Variants in GPC6 observed in about 807,000 individuals in gnomAD.
GPC6 encodes glypican 6, also known as glypican-6.
A neutral mutation model predicts 55.2 loss-of-function variants in GPC6; 14 were observed. That is an observed-to-expected ratio of 0.25 (90% CI 0.17 to 0.40). The LOEUF (loss-of-function observed/expected upper bound fraction) is 0.40. Ranked by LOEUF, GPC6 falls within the 10% of genes least tolerant of loss-of-function variation. The pLI, the probability that GPC6 is intolerant of heterozygous loss-of-function variation, is 1.00. For synonymous variants in GPC6, 278 were observed against 259.6 expected, an observed-to-expected ratio of 1.07 and a Z score of -0.68; for missense variants, 641 against 708.5, an observed-to-expected ratio of 0.90 and a Z score of 1.08.
At chr13:93,850,374 T>A (rs1421462165) in intron 3 of GPC6, among the ~76,000 whole-genome samples, 1 of 151,900 alleles carries the variant, frequency 6.6e-6, no homozygotes, top group African/African-American at 2.4e-5. Context: ...TCATGAGTCA[T>A]AATAACTCGG....
At chr13:93,744,909 T>G (rs367982966) in intron 2 of GPC6, among the ~76,000 whole-genome samples, 2 of 151,306 alleles carry the variant, frequency 1.3e-5, no homozygotes, top group East Asian at 3.9e-4. Flanking sequence ...TGCACTCCAG[T>G]GTGGGCAACA....
intron 4 of GPC6, among the ~76,000 whole-genome samples, chr13:94,258,751 G>A (rs1415837774): frequency 1.3e-5 from 2 of 152,150 alleles, no homozygotes; most frequent in African/African-American, 4.8e-5. Flanking sequence ...AATTTCGGTA[G>A]AGTAAACAAG....
At chr13:93,975,386 G>A (rs1337900636) in intron 3 of GPC6, among the ~76,000 whole-genome samples, 1 of 152,066 alleles carries the variant, frequency 6.6e-6, no homozygotes. Flanking sequence ...ATTGAGGGGT[G>A]GAGCATGGTG....
rs140973947 is a variant in GPC6 at position 93,610,527 on chromosome 13, T to G, written c.319+65106T>G. 1.4e-3 allele frequency among the ~76,000 whole-genome samples: 214 copies of G among 152,240 alleles called. 1 individual carries two copies. Among genetic ancestry groups the G allele is most frequent in the Middle Eastern group, 6.8e-3 (2 of 294 alleles). Reference sequence around the variant, plus strand: ...ACAAGGGAAGCGTATCAGGAGATGATAAGTGATCTTAAGGTAAATCATGTT... The same window carrying G: ...ACAAGGGAAGCGTATCAGGAGATGAGAAGTGATCTTAAGGTAAATCATGTT... On this transcript the variant is annotated intron_variant, in intron 2 of 8. Coordinates refer to ENST00000377047, the MANE Select transcript of GPC6 (RefSeq NM_005708.5).
intron 3 of GPC6, among the ~76,000 whole-genome samples, chr13:93,931,010 G>A (rs1180254765): frequency 6.6e-6 from 1 of 152,020 alleles, no homozygotes; most frequent in Non-Finnish European, 1.5e-5. Flanking sequence ...TAAACAACCA[G>A]ATCTCGCAAG....
chr13:93,796,975 T>C (rs1403062218), intron 2 of GPC6, among the ~76,000 whole-genome samples: 4 of 152,250 alleles, frequency 2.6e-5, no homozygotes, highest in Admixed American at 6.5e-5. Context: ...AAGGGATGAA[T>C]TGTGAATACC....
intron 3 of GPC6, among the ~76,000 whole-genome samples, chr13:93,995,692 A>G (rs1403799693): frequency 6.6e-6 from 1 of 152,260 alleles, no homozygotes; most frequent in Non-Finnish European, 1.5e-5. Flanking sequence ...TTATAGTTAC[A>G]TAATGATGGC....
intron 1 of GPC6, among the ~76,000 whole-genome samples, chr13:93,299,434 C>A (rs1878601324): frequency 6.6e-6 from 1 of 152,150 alleles, no homozygotes; most frequent in African/African-American, 2.4e-5. Flanking sequence ...ACAGTGATCG[C>A]TAAAATGACT....
chr13:93,790,878 G>T (rs1375472807), intron 2 of GPC6, among the ~76,000 whole-genome samples: 1 of 152,132 alleles, frequency 6.6e-6, no homozygotes, highest in Non-Finnish European at 1.5e-5. Context: ...AAAGAGGAAA[G>T]GTTTTCACAT....
intron 2 of GPC6, among the ~76,000 whole-genome samples, chr13:93,723,161 C>T (rs1177955082): frequency 2.0e-5 from 3 of 151,944 alleles, no homozygotes; most frequent in Admixed American, 2.0e-4. Flanking sequence ...TTAAAATCCC[C>T]TTGCCTCTTT....
intron 1 of GPC6, among the ~76,000 whole-genome samples, chr13:93,315,719 A>T (rs1488026583): frequency 6.6e-6 from 1 of 151,068 alleles, no homozygotes; most frequent in African/African-American, 2.4e-5. Flanking sequence ...TTAATATTAT[A>T]TATTATTAGG....
chr13:93,394,835 T>C (rs2139223112), intron 1 of GPC6: 1 of 151,664 alleles, frequency 6.6e-6, no homozygotes, highest in African/African-American at 2.4e-5. Context: ...AAGACACATA[T>C]ATTCAGTGTC....
At chr13:93,957,256 T>A (rs9524284) in intron 3 of GPC6, among the ~76,000 whole-genome samples, 21,323 of 152,216 alleles carry the variant, frequency 0.14, 1,753 homozygotes, top group East Asian at 0.27. Context: ...TTGTTATTTT[T>A]AATTTCCAGT....
At chr13:94,188,542 A>C (rs1343779376) in intron 4 of GPC6, among the ~76,000 whole-genome samples, 1 of 152,214 alleles carries the variant, frequency 6.6e-6, no homozygotes, top group Admixed American at 6.5e-5. Context: ...AAGAAAGTGA[A>C]ATCATTTCAG....
At chr13:94,372,428 T>G (rs1336161364) in intron 6 of GPC6, among the ~76,000 whole-genome samples, 1 of 152,120 alleles carries the variant, frequency 6.6e-6, no homozygotes, top group Non-Finnish European at 1.5e-5. Flanking sequence ...GGAGTTCCCT[T>G]TCCGAGTCAA....
intron 2 of GPC6, among the ~76,000 whole-genome samples, chr13:93,703,910 G>A (rs1882758806): frequency 1.3e-5 from 2 of 151,820 alleles, no homozygotes; most frequent in Non-Finnish European, 1.5e-5. Context: ...AAAGTATTTG[G>A]GACTTACCTT....
intron 1 of GPC6, among the ~76,000 whole-genome samples, chr13:93,435,778 G>A (rs1877548670): frequency 6.6e-6 from 1 of 152,142 alleles, no homozygotes; most frequent in Non-Finnish European, 1.5e-5. Flanking sequence ...TAAAGGCAAG[G>A]CAGATGCAAG....
chr13:93,482,349 T>G (rs1879551867), intron 1 of GPC6, among the ~76,000 whole-genome samples: 3 of 152,280 alleles, frequency 2.0e-5, no homozygotes, highest in Admixed American at 2.0e-4. Flanking sequence ...CCAAACTGGA[T>G]GCTTTTTAAT....
At chr13:93,404,800 G>T (rs1051710780) in intron 1 of GPC6, among the ~76,000 whole-genome samples, 31 of 151,316 alleles carry the variant, frequency 2.0e-4, no homozygotes, top group African/African-American at 7.5e-4. Flanking sequence ...CTATCAATCT[G>T]ATATTTATTT....
Sources: allele counts gnomAD v4.1 joint callset (sites outside exome capture counted in the v4.1 genomes callset), GRCh38; gene constraint gnomAD v4.1.1; transcripts MANE v1.5; gene names NCBI Gene and HGNC (gene_info 2026-07-23, HGNC 2026-07-21).